SEPTIN9: variants seen among roughly 807,000 people sequenced by gnomAD.
The protein encoded by SEPTIN9 is septin-9.
SEPTIN9 carries 13 observed loss-of-function variants against 56.6 expected under a neutral mutation model. The observed-to-expected ratio is 0.23, with a 90% CI of 0.15 to 0.37. SEPTIN9 has a LOEUF of 0.37. SEPTIN9 is among the 10% of genes least tolerant of loss of function. The pLI is 1.00. For missense variants in SEPTIN9, 650 were observed against 823.1 expected, an observed-to-expected ratio of 0.79 and a Z score of 2.57; for synonymous variants, 332 against 334.1, an observed-to-expected ratio of 0.99 and a Z score of 0.07.
rs955872196 is a variant in SEPTIN9, at chr17:77,371,388, G to A, written c.77-30671G>A. Among the ~76,000 whole-genome samples the A allele has an allele frequency of 3.9e-5, 6 of 152,222 alleles. No homozygotes were observed. Among genetic ancestry groups the A allele is most frequent in the African/African-American group, 7.2e-5 (3 of 41,466 alleles). ...GGAGATGGAGAATGTACAATTGGCT[G>A]ACCCTGTGCTAATCTGGTGGAACTC... On this transcript the variant is annotated intron_variant, in intron 2 of 11. Transcript: ENST00000427177. This position sits in a 1 kb window ranked among gnomAD's most constrained non-coding sequence, Gnocchi z 4.1.
intron 2 of SEPTIN9, among the ~76,000 whole-genome samples, chr17:77,353,655 C>T (rs1598239096): frequency 6.6e-6 from 1 of 152,088 alleles, no homozygotes; most frequent in South Asian, 2.1e-4. Flanking sequence ...GCATCAGGCC[C>T]CACACACTAT....
intron 3 of SEPTIN9, among the ~76,000 whole-genome samples, chr17:77,427,560 A>G (rs2036959801): frequency 6.6e-6 from 1 of 152,228 alleles, no homozygotes; most frequent in South Asian, 2.1e-4. Flanking sequence ...CCCCTTGGGC[A>G]CAGCTGCCTC....
At chr17:77,470,383 C>T (rs2038940286) in intron 3 of SEPTIN9, among the ~76,000 whole-genome samples, 1 of 151,546 alleles carries the variant, frequency 6.6e-6, no homozygotes, top group Admixed American at 6.6e-5. Context: ...TCCATCCACT[C>T]ATCCGTCCAT....
At chr17:77,430,397 G>C (rs928253914) in intron 3 of SEPTIN9, among the ~76,000 whole-genome samples, 9 of 152,244 alleles carry the variant, frequency 5.9e-5, no homozygotes, top group Admixed American at 3.9e-4. Context: ...GCGGGGGGTG[G>C]AGGAACCCAC....
intron 2 of SEPTIN9, among the ~76,000 whole-genome samples, chr17:77,314,841 G>T (rs1465129778): frequency 6.6e-6 from 1 of 152,204 alleles, no homozygotes; most frequent in Non-Finnish European, 1.5e-5. Flanking sequence ...CCACCCTGGG[G>T]AATGCCTGGT....
intron 2 of SEPTIN9, among the ~76,000 whole-genome samples, chr17:77,390,317 A>C (rs1449254902): frequency 7.6e-6 from 1 of 131,032 alleles, no homozygotes; most frequent in African/African-American, 3.0e-5. Context: ...ACTGCACCGC[A>C]GCCTGGGCGA....
At chr17:77,362,961 C>A (rs1045793111) in intron 2 of SEPTIN9, among the ~76,000 whole-genome samples, 1 of 152,186 alleles carries the variant, frequency 6.6e-6, no homozygotes, top group Non-Finnish European at 1.5e-5. Context: ...ATAGGGCAGG[C>A]ACAGAGGTCT....
Position 77,482,234 on chromosome 17 carries a change from A to G in SEPTIN9, c.812A>G (p.Lys271Arg). The G allele has an allele frequency of 6.2e-7, 1 of 1,613,048 alleles. No individual in the cohort carries two copies. The highest frequency in any genetic ancestry group is 1.1e-5 in the South Asian group (1 of 91,080). ...LKQAPASRNEKAPVDFGYVGI... is the reference protein window; with the variant it reads ...LKQAPASRNERAPVDFGYVGI... ...CAGGCGCCTGCATCACGGAACGAGAAGGCCCCGGTGGACTTCGGCTACGTG... is the reference window on the plus strand; with the variant it reads ...CAGGCGCCTGCATCACGGAACGAGAGGGCCCCGGTGGACTTCGGCTACGTG... The change falls in exon 4 of 12, where the codon AAG becomes AGG. Residue 271 changes from lysine (K) to arginine (R), a missense_variant. Lys to Arg is a conservative substitution (Grantham distance 26). This residue lies in a region of SEPTIN9 where 333 missense variants were observed against 494.0 expected (regional missense o/e 0.67). Transcript: ENST00000427177.
rs932219102 is a variant in SEPTIN9 at position 77,327,737 on chromosome 17, CT to C, written c.76+20549del. On this transcript the variant is annotated intron_variant, in intron 2 of 11. Transcript: ENST00000427177. This position sits in a 1 kb window ranked among gnomAD's most constrained non-coding sequence, Gnocchi z 5.0. ...CCTCCATCCGTGGAGCCACCCTCCTCTTTTTTTTTCTAAATGGGGAAACTCT... is the reference window on the plus strand; with the variant it reads ...CCTCCATCCGTGGAGCCACCCTCCTCTTTTTTTTCTAAATGGGGAAACTCT... Among the ~76,000 whole-genome samples the C allele has an allele frequency of 8.5e-6, 1 of 117,142 alleles. No individual in the cohort carries two copies. Among genetic ancestry groups the C allele is most frequent in the African/African-American group, 3.8e-5 (1 of 26,562 alleles). 76.8% of individuals were successfully genotyped at this position (117,142 alleles called of 152,430 possible).
intron 2 of SEPTIN9, chr17:77,320,028 T>A: frequency 2.2e-6 from 3 of 1,347,802 alleles, no homozygotes; most frequent in Non-Finnish European, 2.9e-6. Context: ...CTTCGGGCCC[T>A]CTCTCCTGCC....
At chr17:77,320,300 C>T (rs757186606) in intron 2 of SEPTIN9, 2 of 1,612,366 alleles carry the variant, frequency 1.2e-6, no homozygotes, top group Non-Finnish European at 1.7e-6. Context: ...GCCGGGACTC[C>T]CGCCGCTGCT....
Position 77,499,361 on chromosome 17 carries a change from C to T in SEPTIN9, c.*703C>T. 1 of 580,322 alleles carries T rather than the reference C, an allele frequency of 1.7e-6. No homozygotes were observed. The highest frequency in any genetic ancestry group is 1.9e-5 in the Admixed American group (1 of 51,310). 35.9% of individuals were successfully genotyped at this position (580,322 alleles called of 1,614,324 possible). A position where few individuals can be genotyped will look rare whatever the true frequency, so the allele number is the denominator to read the frequency against. ...TGGAATGAGGGAGGCGTCTTCATCTCCCTGCCATCCCCCTCTCACGCCACC... is the reference window on the plus strand; with the variant it reads ...TGGAATGAGGGAGGCGTCTTCATCTTCCTGCCATCCCCCTCTCACGCCACC... On this transcript the variant is annotated 3_prime_UTR_variant, in exon 12 of 12. Transcript: ENST00000427177.
intron 2 of SEPTIN9, among the ~76,000 whole-genome samples, chr17:77,315,575 T>C (rs11077900): frequency 0.31 from 46,857 of 152,148 alleles, 8,071 homozygotes; most frequent in African/African-American, 0.45. Flanking sequence ...CATGAGCCAC[T>C]GCACCCGGCC....
chr17:77,348,298 T>TG (rs1176778498), intron 2 of SEPTIN9, among the ~76,000 whole-genome samples: 2 of 141,700 alleles, frequency 1.4e-5, no homozygotes, highest in African/African-American at 5.3e-5. Context: ...ATTTATGTTT[T>TG]TTTTTTTTTT....
rs2037371212 is a variant in SEPTIN9 at position 77,437,108 on chromosome 17, A to G, written c.721+34405A>G. Among the ~76,000 whole-genome samples, 1 of 152,180 alleles carries G rather than the reference A, an allele frequency of 6.6e-6. No homozygotes were observed. ...CCTCCTGCTCTGCCTTCCCGTGCCC[A>G]TTCGGTTGGCATCAGCATCCCTGCC... On this transcript the variant is annotated intron_variant, in intron 3 of 11. Transcript: ENST00000427177. This position sits in a 1 kb window ranked among gnomAD's most constrained non-coding sequence, Gnocchi z 5.3.
chr17:77,406,668 T>G (rs2036088374), intron 3 of SEPTIN9, among the ~76,000 whole-genome samples: 1 of 151,878 alleles, frequency 6.6e-6, no homozygotes, highest in Non-Finnish European at 1.5e-5. Context: ...TTTTGTGTTT[T>G]TTTTTTGTTT....
chr17:77,402,128 C>A lies in SEPTIN9; in HGVS notation c.146C>A (p.Thr49Asn), dbSNP rs549141429. Reference sequence around the variant, plus strand: ...TCCACCCCACCCCGGAGGGTCCAGACTCCCCTACTCCGAGCCACTGTGGCC... The same window carrying A: ...TCCACCCCACCCCGGAGGGTCCAGAATCCCCTACTCCGAGCCACTGTGGCC... ...PNSTPPRRVQ[T>N]PLLRATVASS... Residue 49 changes from threonine (T) to asparagine (N), a missense_variant, in exon 3 of 12, where the codon ACT (threonine) becomes AAT (asparagine). This residue lies in a region of SEPTIN9 where 317 missense variants were observed against 329.1 expected (regional missense o/e 0.96). Coordinates refer to ENST00000427177, the MANE Select transcript of SEPTIN9 (RefSeq NM_001113491.2). This position sits in a 1 kb window ranked among gnomAD's most constrained non-coding sequence, Gnocchi z 6.6. The A allele has an allele frequency of 1.1e-5, 17 of 1,613,922 alleles. No individual in the cohort carries two copies. In the East Asian group the frequency reaches 3.6e-4, roughly 34 times the overall value.
chr17:77,382,608 G>C (rs928642210), intron 2 of SEPTIN9, among the ~76,000 whole-genome samples: 2 of 152,244 alleles, frequency 1.3e-5, no homozygotes, highest in South Asian at 2.1e-4. Context: ...GTGGGAGAGA[G>C]GCACTGTTGG....
chr17:77,489,629 T>C (rs1398812228), intron 7 of SEPTIN9, among the ~76,000 whole-genome samples: 3 of 152,260 alleles, frequency 2.0e-5, no homozygotes, highest in African/African-American at 7.2e-5. Context: ...CCAGATGTAC[T>C]TCCCTGGGCG....
Sources: gnomAD v4.1 joint callset for allele counts (sites outside exome capture counted in the v4.1 genomes callset) on GRCh38, gnomAD v4.1.1 for gene constraint, gnomAD v4.1.1 regional missense constraint, Gnocchi (gnomAD v3.1) non-coding constraint, MANE v1.5 for transcripts, NCBI Gene and HGNC (gene_info 2026-07-23, HGNC 2026-07-21) for gene names.